The following TSNARE1 variants were observed in gnomAD, a reference collection of about 807,000 sequenced individuals.
The protein encoded by TSNARE1 is t-SNARE domain containing 1.
TSNARE1 carries 49 observed loss-of-function variants against 62.0 expected under a neutral mutation model. The observed-to-expected ratio is 0.79, with a 90% CI of 0.63 to 1.00. The LOEUF (loss-of-function observed/expected upper bound fraction) is 1.00. Ranked by LOEUF, TSNARE1 falls within the 50% of genes least tolerant of loss-of-function variation. TSNARE1 has a pLI of 0.00. For missense variants in TSNARE1, 755 were observed against 700.1 expected (o/e 1.08, Z -0.88); for synonymous variants, 328 against 294.4 (o/e 1.11, Z -1.17).
chr8:142,279,753 G>A (rs1821106025), intron 11 of TSNARE1: 3 of 471,964 alleles, frequency 6.4e-6, no homozygotes, highest in African/African-American at 2.1e-5. Context: ...CCCTCGGAGG[G>A]TCTCCCTCTT....
chr8:142,333,336 A>C (rs1219978895), intron 4 of TSNARE1, among the ~76,000 whole-genome samples: 8 of 152,230 alleles, frequency 5.3e-5, no homozygotes, highest in Non-Finnish European at 2.9e-5. Flanking sequence ...AACCAGGTAG[A>C]GACTCCAGGC....
intron 12 of TSNARE1, among the ~76,000 whole-genome samples, chr8:142,260,481 G>A (rs978910262): frequency 4.6e-5 from 7 of 152,132 alleles, no homozygotes; most frequent in East Asian, 1.9e-4. Flanking sequence ...CGGGGCCCAC[G>A]GCCAGGGAGG....
Position 142,331,768 on chromosome 8 carries a change from C to T in TSNARE1, c.809G>A (p.Arg270Gln), listed in dbSNP as rs139729301. ...LFQEMSANVFRINSSVTSLER... is the reference protein window; with the variant it reads ...LFQEMSANVFQINSSVTSLER... ...CGCACACTCACCACTGGAGTTGATT[C>T]GGAAGACGTTGGCCGACATCTCCTG... Residue 270 changes from arginine (R) to glutamine (Q), a missense_variant, in exon 5 of 14, where the codon CGA (arginine) becomes CAA (glutamine). Coordinates refer to ENST00000524325, the MANE Select transcript of TSNARE1 (RefSeq NM_145003.5). The T allele has an allele frequency of 1.3e-4, 211 of 1,600,802 alleles. No individual in the cohort carries two copies. In the African/African-American group the frequency reaches 2.2e-3, roughly 17 times the overall value.
At chr8:142,217,537 G>A (rs1262364059) in intron 13 of TSNARE1, among the ~76,000 whole-genome samples, 2 of 152,178 alleles carry the variant, frequency 1.3e-5, no homozygotes, top group African/African-American at 2.4e-5. Flanking sequence ...GGGCAGGGGT[G>A]AGCCCTTGAA....
intron 2 of TSNARE1, among the ~76,000 whole-genome samples, chr8:142,352,495 G>A (rs1307939013): frequency 2.0e-5 from 3 of 152,278 alleles, no homozygotes; most frequent in Non-Finnish European, 4.4e-5. Context: ...CCCTGGCCAT[G>A]GGCACAGGCT....
At position 142,291,346 on chromosome 8, in the gene TSNARE1, C is replaced by T. The variant is rs1482133825; in HGVS notation, c.1291-6861G>A. On this transcript the variant is annotated intron_variant, in intron 10 of 13. Transcript: ENST00000524325. The surrounding 1 kb of genome is among the most constrained non-coding windows in gnomAD (Gnocchi z 4.8). Reference sequence around the variant, plus strand: ...TGTGTGACCCTGGGCAAGCGATGGGCCTGCTCCAAGCCACCGTCATCTCTG... The same window carrying T: ...TGTGTGACCCTGGGCAAGCGATGGGTCTGCTCCAAGCCACCGTCATCTCTG... Among the ~76,000 whole-genome samples, 2 of 152,100 alleles carry T rather than the reference C, an allele frequency of 1.3e-5. No individual in the cohort carries two copies. The highest frequency in any genetic ancestry group is 2.9e-5 in the Non-Finnish European group (2 of 68,038).
Position 142,319,022 on chromosome 8 carries a change from C to T in TSNARE1, c.894-388G>A, listed in dbSNP as rs1362676321. On this transcript the variant is annotated intron_variant, in intron 6 of 13. Coordinates refer to ENST00000524325, the MANE Select transcript of TSNARE1 (RefSeq NM_145003.5). The surrounding 1 kb of genome is among the most constrained non-coding windows in gnomAD (Gnocchi z 4.9). ...GAGACGGGGGAGACGGGCAGACACA[C>T]AGCAAGAGGCAGTGGGGGCAGAAAG... Among the ~76,000 whole-genome samples the T allele has an allele frequency of 4.0e-5, 6 of 151,754 alleles. No homozygotes were observed. The highest frequency in any genetic ancestry group is 8.8e-5 in the Non-Finnish European group (6 of 67,930).
chr8:142,302,390 G>T (rs988830227), intron 9 of TSNARE1, among the ~76,000 whole-genome samples: 1 of 152,186 alleles, frequency 6.6e-6, no homozygotes, highest in Non-Finnish European at 1.5e-5. Context: ...GACAGAGGTG[G>T]GGGCTGTGCC....
chr8:142,271,553 G>A (rs1819548013), intron 12 of TSNARE1: 2 of 1,389,108 alleles, frequency 1.4e-6, no homozygotes, highest in African/African-American at 1.5e-5. Flanking sequence ...GGAGGCTGGG[G>A]AAGCAGGTGG....
At position 142,345,267 on chromosome 8, in the gene TSNARE1, A is replaced by G. The variant is rs147013128; in HGVS notation, c.238+476T>C. Reference sequence around the variant, plus strand: ...AGCCCCCAAGGAGAAGCACTCAAGTACAGGCCTCTCCCTGGGGGCCTGGTG... The same window carrying G: ...AGCCCCCAAGGAGAAGCACTCAAGTGCAGGCCTCTCCCTGGGGGCCTGGTG... On this transcript the variant is annotated intron_variant, in intron 3 of 13. Coordinates refer to ENST00000524325, the MANE Select transcript of TSNARE1 (RefSeq NM_145003.5). 6.0e-3 allele frequency among the ~76,000 whole-genome samples: 918 copies of G among 152,310 alleles called. 10 individuals carry two copies. Among genetic ancestry groups the G allele is most frequent in the African/African-American group, 0.021 (861 of 41,582 alleles).
At chr8:142,315,865 A>G (rs1273819987) in intron 7 of TSNARE1, among the ~76,000 whole-genome samples, 1 of 152,066 alleles carries the variant, frequency 6.6e-6, no homozygotes, top group African/African-American at 2.4e-5. Flanking sequence ...CACAGCCTTG[A>G]CCTCTTCCCA....
chr8:142,277,113 G>T (rs1405705966), intron 11 of TSNARE1: 1 of 985,212 alleles, frequency 1.0e-6, no homozygotes, highest in African/African-American at 1.7e-5. Flanking sequence ...CAGTGGCTTT[G>T]TCAGGTCTTG....
intron 12 of TSNARE1, chr8:142,272,713 C>T (rs1487957927): frequency 5.1e-6 from 5 of 974,908 alleles, no homozygotes; most frequent in Non-Finnish European, 6.1e-6. Context: ...CTCATCCCTC[C>T]TGACACACCG....
At chr8:142,390,541 T>G (rs566047544) in intron 1 of TSNARE1, among the ~76,000 whole-genome samples, 11 of 52,592 alleles carry the variant, frequency 2.1e-4, no homozygotes, top group East Asian at 6.6e-4. Context: ...TGTACACTGC[T>G]GGGGACTCTG....
chr8:142,313,094 T>C (rs143679935), intron 9 of TSNARE1, among the ~76,000 whole-genome samples: 1 of 151,824 alleles, frequency 6.6e-6, no homozygotes, highest in East Asian at 1.9e-4. Context: ...CTGCATCTCT[T>C]CATGTCTGCG....
chr8:142,221,988 T>TCATCCACTCACTCATCCACTCATCCAC (rs1458912716), intron 13 of TSNARE1, among the ~76,000 whole-genome samples: 5 of 43,566 alleles, frequency 1.1e-4, no homozygotes, highest in African/African-American at 4.5e-4. Context: ...CACTCACTCA[T>TCATCCACTCACTCATCCACTCATCCAC]TCACTCACTC....
chr8:142,390,224 A>G (rs1039104082), intron 1 of TSNARE1, among the ~76,000 whole-genome samples: 2 of 152,244 alleles, frequency 1.3e-5, no homozygotes, highest in African/African-American at 2.4e-5. Flanking sequence ...ACATTACTGT[A>G]CACTTTGGGG....
chr8:142,338,509 C>T (rs1036030814), intron 4 of TSNARE1, among the ~76,000 whole-genome samples: 2 of 150,528 alleles, frequency 1.3e-5, no homozygotes, highest in Non-Finnish European at 2.9e-5. Flanking sequence ...TGACAGGCTG[C>T]CTCGACCACT....
At chr8:142,345,327 G>A (rs187563434) in intron 3 of TSNARE1, among the ~76,000 whole-genome samples, 4 of 152,314 alleles carry the variant, frequency 2.6e-5, no homozygotes, top group Admixed American at 2.6e-4. Context: ...CCTCCACCAG[G>A]AGGGAAGCCC....
Sources: allele counts gnomAD v4.1 joint callset (sites outside exome capture counted in the v4.1 genomes callset), GRCh38; gene constraint gnomAD v4.1.1; non-coding constraint Gnocchi (gnomAD v3.1); transcripts MANE v1.5; gene names NCBI Gene and HGNC (gene_info 2026-07-23, HGNC 2026-07-21).